NUDT9: variants seen among roughly 807,000 people sequenced by gnomAD.
The protein encoded by NUDT9 is nudix hydrolase 9, also known as ADP-ribose pyrophosphatase.
Under a neutral mutation model 41.0 loss-of-function variants are expected in NUDT9, and 31 were observed. That is an observed-to-expected ratio of 0.76 (90% CI 0.57 to 1.02). The LOEUF is 1.02. Ranked by LOEUF, NUDT9 falls within the 50% of genes least tolerant of loss-of-function variation. The pLI is 0.00. For missense variants in NUDT9, 380 were observed against 431.4 expected (o/e 0.88, Z 1.06); for synonymous variants, 146 against 147.6 (o/e 0.99, Z 0.08).
intron 4 of NUDT9, among the ~76,000 whole-genome samples, chr4:87,446,355 C>G (rs181712551): frequency 6.6e-6 from 1 of 150,854 alleles, no homozygotes; most frequent in Non-Finnish European, 1.5e-5. Flanking sequence ...CCTGCTTCAG[C>G]CTCCCAAGTA....
intron 1 of NUDT9, among the ~76,000 whole-genome samples, chr4:87,430,723 T>C (rs1171694789): frequency 1.3e-5 from 2 of 152,214 alleles, no homozygotes; most frequent in Non-Finnish European, 2.9e-5. Flanking sequence ...ATTGGCCATT[T>C]GTATATCTTC....
intron 7 of NUDT9, 43 bp from the exon 8 acceptor site, chr4:87,457,800 A>C (rs745444236): frequency 1.9e-6 from 3 of 1,561,420 alleles, no homozygotes; most frequent in East Asian, 4.5e-5. Context: ...ATGCTAAAAC[A>C]GAAATGAGTT....
At chr4:87,425,295 C>CTCAG (rs779905630) in intron 1 of NUDT9, among the ~76,000 whole-genome samples, 7 of 151,708 alleles carry the variant, frequency 4.6e-5, no homozygotes, top group Non-Finnish European at 8.8e-5. Flanking sequence ...ATTGCTTGAG[C>CTCAG]TCAGGAGTTG....
At chr4:87,452,699 C>T (rs1392598185) in intron 6 of NUDT9, among the ~76,000 whole-genome samples, 2 of 151,936 alleles carry the variant, frequency 1.3e-5, no homozygotes, top group African/African-American at 2.4e-5. Flanking sequence ...AAGGATCCCC[C>T]CACCTCGACC....
intron 4 of NUDT9, among the ~76,000 whole-genome samples, chr4:87,446,149 T>C (rs1298035832): frequency 6.6e-6 from 1 of 152,152 alleles, no homozygotes; most frequent in Non-Finnish European, 1.5e-5. Context: ...AGTAGCTGTA[T>C]TGAGTCTTTG....
intron 1 of NUDT9, among the ~76,000 whole-genome samples, chr4:87,426,928 C>G (rs1721450872): frequency 6.9e-6 from 1 of 144,692 alleles, no homozygotes; most frequent in South Asian, 2.3e-4. Context: ...CCAAACCACT[C>G]CCTTGCCAAA....
chr4:87,444,973 T>C (rs562870777), intron 4 of NUDT9, among the ~76,000 whole-genome samples: 2 of 152,250 alleles, frequency 1.3e-5, no homozygotes, highest in East Asian at 3.9e-4. Flanking sequence ...TTCCTCTAAA[T>C]AGATGAGAGG....
chr4:87,422,932 T>C lies in NUDT9; in HGVS notation c.27T>C (p.Ala9=), dbSNP rs374126304. MAGRLLGK[A]LAAVSLSLAL... ...TGGCGGGACGCCTCCTGGGAAAGGC[T>C]TTAGCCGCGGTGTCTCTCTCTCTGG... The change falls in exon 1 of 8, where the codon GCT becomes GCC. Residue 9 remains alanine, a synonymous_variant. Transcript: ENST00000302174. 3.1e-6 allele frequency: 5 copies of C among 1,612,138 alleles called. No homozygotes were observed. The highest frequency in any genetic ancestry group is 4.2e-6 in the Non-Finnish European group (5 of 1,179,754).
intron 7 of NUDT9, 42 bp downstream of exon 7, chr4:87,454,497 A>G: frequency 8.0e-7 from 1 of 1,242,828 alleles, no homozygotes; most frequent in Non-Finnish European, 1.2e-6. Flanking sequence ...TAAAGGATCA[A>G]TTTAAGCCAT....
intron 1 of NUDT9, among the ~76,000 whole-genome samples, chr4:87,426,294 CAT>C (rs947404767): frequency 6.6e-6 from 1 of 152,076 alleles, no homozygotes; most frequent in African/African-American, 2.4e-5. Flanking sequence ...GATAGTAAAA[CAT>C]AGTGTTAAGA....
intron 5 of NUDT9, among the ~76,000 whole-genome samples, 199 bp downstream of exon 5, chr4:87,449,452 C>T (rs540490815): frequency 2.0e-5 from 3 of 152,268 alleles, no homozygotes; most frequent in Admixed American, 6.5e-5. Context: ...TTAGAATCTG[C>T]GTGTAATTCT....
chr4:87,446,219 A>G (rs1247962973), intron 4 of NUDT9, among the ~76,000 whole-genome samples: 1 of 150,114 alleles, frequency 6.7e-6, no homozygotes, highest in Non-Finnish European at 1.5e-5. Context: ...ATGAGTGAAC[A>G]TAGCCACCAT....
rs1462225359 is a variant in NUDT9 at position 87,458,060 on chromosome 4, C to G, written c.*39C>G. On this transcript the variant is annotated 3_prime_UTR_variant, in exon 8 of 8. Transcript: ENST00000302174. Reference sequence around the variant, plus strand: ...TGTAAGCCAAAGGCCCACAGAGGAGCATATACTGAAAAGAAGGCAGTATCA... The same window carrying G: ...TGTAAGCCAAAGGCCCACAGAGGAGGATATACTGAAAAGAAGGCAGTATCA... 1.4e-6 allele frequency: 2 copies of G among 1,459,950 alleles called. No homozygotes were observed. The highest frequency in any genetic ancestry group is 5.4e-5 in the Admixed American group (2 of 37,184). 90.4% of individuals were successfully genotyped at this position (1,459,950 alleles called of 1,614,324 possible). A position where few individuals can be genotyped will look rare whatever the true frequency, so the allele number is the denominator to read the frequency against.
intron 1 of NUDT9, among the ~76,000 whole-genome samples, chr4:87,428,967 T>C (rs1721554668): frequency 6.6e-6 from 1 of 152,144 alleles, no homozygotes; most frequent in Non-Finnish European, 1.5e-5. Context: ...TTTGGACAAA[T>C]GTATAATGAC....
intron 3 of NUDT9, among the ~76,000 whole-genome samples, chr4:87,439,185 C>T (rs1460820437): frequency 1.3e-5 from 2 of 149,674 alleles, no homozygotes; most frequent in African/African-American, 2.5e-5. Flanking sequence ...AATAGACATA[C>T]CCAAGACTGG....
chr4:87,450,052 C>T (rs1430727215), intron 5 of NUDT9, among the ~76,000 whole-genome samples: 1 of 151,926 alleles, frequency 6.6e-6, no homozygotes, highest in Non-Finnish European at 1.5e-5. Context: ...TTAGTAGAGA[C>T]AGGTTTCACT....
intron 1 of NUDT9, among the ~76,000 whole-genome samples, chr4:87,426,448 C>T (rs994951931): frequency 2.6e-5 from 4 of 151,050 alleles, no homozygotes; most frequent in Admixed American, 1.3e-4. Context: ...CTCGCACTGT[C>T]GCCCCAGCTG....
At chr4:87,457,437 A>G (rs6829145) in intron 7 of NUDT9, among the ~76,000 whole-genome samples, 3,444 of 152,048 alleles carry the variant, frequency 0.023, 65 homozygotes, top group Non-Finnish European at 0.034. Context: ...GGGTTTCACC[A>G]TGTTGGCCAG....
chr4:87,444,298 A>AT (rs1297369806), intron 4 of NUDT9, among the ~76,000 whole-genome samples: 1 of 151,812 alleles, frequency 6.6e-6, no homozygotes, highest in Non-Finnish European at 1.5e-5. Flanking sequence ...CTCTTTATAT[A>AT]TTTTTTTATT....
Sources: gnomAD v4.1 joint callset for allele counts (sites outside exome capture counted in the v4.1 genomes callset) on GRCh38, gnomAD v4.1.1 for gene constraint, MANE v1.5 for transcripts, NCBI Gene and HGNC (gene_info 2026-07-23, HGNC 2026-07-21) for gene names.